Variants in PTPRG observed in about 807,000 individuals in gnomAD.
The protein encoded by PTPRG is receptor-type tyrosine-protein phosphatase gamma.
A neutral mutation model predicts 165.3 loss-of-function variants in PTPRG; 102 were observed. The observed-to-expected ratio is 0.62, with a 90% CI of 0.53 to 0.73. The LOEUF (loss-of-function observed/expected upper bound fraction) is 0.73. PTPRG is among the 30% of genes least tolerant of loss of function. The pLI is 0.00. For missense variants in PTPRG, 1,866 were observed against 1,861.4 expected, an observed-to-expected ratio of 1.00 and a Z score of -0.05; for synonymous variants, 675 against 669.5, an observed-to-expected ratio of 1.01 and a Z score of -0.13.
chr3:61,614,970 G>T (rs62244364), intron 1 of PTPRG, among the ~76,000 whole-genome samples: 14,453 of 152,080 alleles, frequency 0.095, 768 homozygotes, highest in Middle Eastern at 0.13. Context: ...AGAACCTACC[G>T]CTTCCAAACA....
At chr3:61,716,823 T>G (rs2031829578) in intron 1 of PTPRG, among the ~76,000 whole-genome samples, 1 of 152,044 alleles carries the variant, frequency 6.6e-6, no homozygotes, top group South Asian at 2.1e-4. Context: ...ACTACAAAAA[T>G]TAGCTGGGTG....
At chr3:61,807,727 A>AG (rs773843062) in intron 2 of PTPRG, among the ~76,000 whole-genome samples, 6 of 152,118 alleles carry the variant, frequency 3.9e-5, no homozygotes, top group Non-Finnish European at 7.4e-5. Context: ...TGTGTACGTA[A>AG]ATATGTATTA....
intron 10 of PTPRG, among the ~76,000 whole-genome samples, chr3:62,198,428 C>T (rs1700020722): frequency 1.3e-5 from 2 of 152,112 alleles, no homozygotes; most frequent in African/African-American, 4.8e-5. Context: ...TACCTGCAGT[C>T]TTCAACAAAA....
intron 7 of PTPRG, 25 bp from the exon 8 acceptor site, chr3:62,167,946 C>T (rs759433374): frequency 7.6e-6 from 12 of 1,587,564 alleles, no homozygotes; most frequent in African/African-American, 6.8e-5. Flanking sequence ...TTTTTTCCCC[C>T]TCCCCTCTCT....
intron 1 of PTPRG, among the ~76,000 whole-genome samples, chr3:61,613,193 A>C (rs1374908211): frequency 6.6e-6 from 1 of 152,190 alleles, no homozygotes; most frequent in Non-Finnish European, 1.5e-5. Flanking sequence ...GGCTTTTTCT[A>C]TTTTTAAGAG....
At chr3:62,125,102 C>A (rs928727408) in intron 5 of PTPRG, among the ~76,000 whole-genome samples, 16 of 152,150 alleles carry the variant, frequency 1.1e-4, no homozygotes, top group Admixed American at 1.0e-3. Context: ...GCTTTGTCCC[C>A]CTGTCACCTT....
At chr3:61,571,285 TA>T (rs1700049055) in intron 1 of PTPRG, among the ~76,000 whole-genome samples, 1 of 152,202 alleles carries the variant, frequency 6.6e-6, no homozygotes, top group South Asian at 2.1e-4. Flanking sequence ...GCGGTGACTG[TA>T]ATATGTTTCT....
chr3:61,995,736 C>CTTCG (rs2041023657), intron 3 of PTPRG, among the ~76,000 whole-genome samples: 1 of 143,702 alleles, frequency 7.0e-6, no homozygotes, highest in South Asian at 2.3e-4. Context: ...TCCTTCCTTC[C>CTTCG]TTCCTTCCTT....
At chr3:62,113,401 G>A (rs1041238881) in intron 5 of PTPRG, among the ~76,000 whole-genome samples, 2 of 151,980 alleles carry the variant, frequency 1.3e-5, no homozygotes, top group Admixed American at 1.3e-4. Context: ...TGCTTACTGT[G>A]ATATATTTAA....
Position 62,219,057 on chromosome 3 carries a change from C to A in PTPRG, c.2288+74C>A. 1 of 1,552,498 alleles carries A rather than the reference C, an allele frequency of 6.4e-7. No individual in the cohort carries two copies. The highest frequency in any genetic ancestry group is 1.2e-5 in the South Asian group (1 of 83,494). The stretch of plus-strand genomic sequence containing the variant: ...CAGGTTTTGCTCACGGGAGGGGAAT[C>A]CCACGGCCTCTGCATTCAGGAAGGT... On this transcript the variant is annotated intron_variant, in intron 13 of 29. Coordinates refer to ENST00000474889, the MANE Select transcript of PTPRG (RefSeq NM_002841.4). This position sits in a 1 kb window ranked among gnomAD's most constrained non-coding sequence, Gnocchi z 4.5.
At chr3:61,640,166 A>C (rs1702022137) in intron 1 of PTPRG, among the ~76,000 whole-genome samples, 1 of 152,174 alleles carries the variant, frequency 6.6e-6, no homozygotes, top group Non-Finnish European at 1.5e-5. Context: ...CCCTCTTAAG[A>C]GTCCTGCCCA....
intron 2 of PTPRG, among the ~76,000 whole-genome samples, chr3:61,835,654 A>G (rs1011329044): frequency 2.1e-4 from 32 of 152,124 alleles, no homozygotes; most frequent in Non-Finnish European, 3.1e-4. Context: ...TTAAGTCCTT[A>G]ATGGCCTGGC....
intron 1 of PTPRG, among the ~76,000 whole-genome samples, chr3:61,624,110 T>G (rs1208519011): frequency 6.6e-6 from 1 of 152,110 alleles, no homozygotes; most frequent in Non-Finnish European, 1.5e-5. Flanking sequence ...GGTTTTGGGT[T>G]TGCTGAGAGT....
chr3:61,943,568 ACT>A (rs1203886680), intron 2 of PTPRG, among the ~76,000 whole-genome samples: 1 of 152,134 alleles, frequency 6.6e-6, no homozygotes, highest in Non-Finnish European at 1.5e-5. Flanking sequence ...ACAGAGTGAG[ACT>A]CTGTCTCAAA....
rs1176894812 is a variant in PTPRG, at chr3:62,267,405, T to G, written c.2657-5T>G. The G allele has an allele frequency of 3.1e-6, 5 of 1,587,868 alleles. No homozygotes were observed. Among genetic ancestry groups the G allele is most frequent in the Non-Finnish European group, 4.3e-6 (5 of 1,162,058 alleles). ...ATTTCTGTTTTTTTTTCTTATCTTC[T>G]ATAGATGATCACAGTAGGGTGAAGT... On this transcript the variant is annotated splice_region_variant and splice_polypyrimidine_tract_variant and intron_variant, in intron 17 of 29. Transcript: ENST00000474889.
intron 2 of PTPRG, among the ~76,000 whole-genome samples, chr3:61,986,919 CT>C (rs35529835): frequency 0.46 from 68,767 of 150,802 alleles, 16,934 homozygotes; most frequent in East Asian, 0.71. Flanking sequence ...TATTTAGTAT[CT>C]TTTTTTTTTC....
At chr3:61,608,381 T>C (rs895399524) in intron 1 of PTPRG, among the ~76,000 whole-genome samples, 1 of 152,208 alleles carries the variant, frequency 6.6e-6, no homozygotes, top group Non-Finnish European at 1.5e-5. Context: ...GGAGCAACTA[T>C]GTGATCTCAC....
chr3:62,206,490 C>A lies in PTPRG; in HGVS notation c.2155+2540C>A, dbSNP rs114484485. ...GCCGAAGGTGGTGTGGCTGTGGAGA[C>A]CCCCTCACTGTCACTGACAAATAGG... On this transcript the variant is annotated intron_variant, in intron 12 of 29. Coordinates refer to ENST00000474889, the MANE Select transcript of PTPRG (RefSeq NM_002841.4). Among the ~76,000 whole-genome samples, 1,177 of 152,238 alleles carry A rather than the reference C, an allele frequency of 7.7e-3. 7 individuals carry two copies. The highest frequency in any genetic ancestry group is 0.02 in the Middle Eastern group (6 of 294).
Position 62,038,440 on chromosome 3 carries a change from C to G in PTPRG, c.519+34943C>G, listed in dbSNP as rs570033637. Among the ~76,000 whole-genome samples, 5 of 152,238 alleles carry G rather than the reference C, an allele frequency of 3.3e-5. No individual in the cohort carries two copies. In the East Asian group the frequency reaches 9.6e-4, roughly 29 times the overall value. The stretch of plus-strand genomic sequence containing the variant: ...GGAGACAGGGTCTTGCTCTGTCACC[C>G]AGGTTGGAGTGCAGTGGTGTAATCT... On this transcript the variant is annotated intron_variant, in intron 4 of 29. Coordinates refer to ENST00000474889, the MANE Select transcript of PTPRG (RefSeq NM_002841.4).
Sources: gnomAD v4.1 joint callset for allele counts (sites outside exome capture counted in the v4.1 genomes callset) on GRCh38, gnomAD v4.1.1 for gene constraint, Gnocchi (gnomAD v3.1) non-coding constraint, MANE v1.5 for transcripts, NCBI Gene and HGNC (gene_info 2026-07-23, HGNC 2026-07-21) for gene names.